Variants in CTNNB1 observed in about 807,000 individuals in gnomAD.
CTNNB1 encodes the protein catenin beta 1.
A neutral mutation model predicts 82.5 loss-of-function variants in CTNNB1; 6 were observed. The observed-to-expected ratio is 0.07, with a 90% CI of 0.04 to 0.14. The LOEUF (loss-of-function observed/expected upper bound fraction) is 0.14, where lower values mean the gene tolerates loss of function less well. CTNNB1 is among the 10% of genes least tolerant of loss of function. CTNNB1 has a pLI of 1.00. For synonymous variants in CTNNB1, 312 were observed against 329.7 expected (o/e 0.95, Z 0.58); for missense variants, 529 against 980.4 (o/e 0.54, Z 6.15).
At chr3:41,210,029 C>T (rs1339947923) in intron 1 of CTNNB1, among the ~76,000 whole-genome samples, 1 of 152,114 alleles carries the variant, frequency 6.6e-6, no homozygotes, top group Non-Finnish European at 1.5e-5. Flanking sequence ...ATTTTTTAAA[C>T]GTTTTCACTC....
intron 7 of CTNNB1, among the ~76,000 whole-genome samples, chr3:41,227,652 T>C (rs1054053189): frequency 6.6e-6 from 1 of 152,226 alleles, no homozygotes; most frequent in Admixed American, 6.5e-5. Context: ...TGTGAATTTA[T>C]AGGAGAAAAG....
At chr3:41,224,167 C>T in intron 2 of CTNNB1, 86 bp downstream of exon 2, 1 of 1,464,524 alleles carries the variant, frequency 6.8e-7, no homozygotes, top group Non-Finnish European at 9.6e-7. Flanking sequence ...CCCTGCTTTC[C>T]TCTCTCCCTG....
chr3:41,221,880 CTGTTG>C (rs1438542531), intron 1 of CTNNB1: 3 of 152,086 alleles, frequency 2.0e-5, no homozygotes, highest in Non-Finnish European at 2.9e-5. Flanking sequence ...GTGATTTCTT[CTGTTG>C]TATTTTTTGT....
chr3:41,215,323 C>T (rs2077890031), intron 1 of CTNNB1, among the ~76,000 whole-genome samples: 1 of 130,474 alleles, frequency 7.7e-6, no homozygotes. Context: ...GCGGAGGATG[C>T]AGTGAGCCAA....
At chr3:41,203,887 C>T (rs1018656569) in intron 1 of CTNNB1, among the ~76,000 whole-genome samples, 2 of 152,058 alleles carry the variant, frequency 1.3e-5, no homozygotes, top group Admixed American at 6.5e-5. Context: ...GGAAGTTAAA[C>T]GGTCAGCATA....
rs1559468935 is a variant in CTNNB1, at chr3:41,225,593, G to A, written c.734+21G>A. ...CTTGGGTAAGAAAACATGTCAGAATGCTTGAAGCTAAAAAGTAGAAGAGTA... is the reference window on the plus strand; with the variant it reads ...CTTGGGTAAGAAAACATGTCAGAATACTTGAAGCTAAAAAGTAGAAGAGTA... On this transcript the variant is annotated intron_variant, in intron 5 of 14. Coordinates refer to ENST00000349496, the MANE Select transcript of CTNNB1 (RefSeq NM_001904.4). This position sits in a 1 kb window ranked among gnomAD's most constrained non-coding sequence, Gnocchi z 5.3. 1.9e-6 allele frequency: 3 copies of A among 1,613,980 alleles called. No individual in the cohort carries two copies. The highest frequency in any genetic ancestry group is 2.5e-6 in the Non-Finnish European group (3 of 1,179,866).
intron 10 of CTNNB1, chr3:41,234,969 A>G (rs2078401592): frequency 6.4e-6 from 1 of 155,486 alleles, no homozygotes; most frequent in African/African-American, 2.4e-5. Context: ...GTATGTACTC[A>G]TATTGGGGCT....
At chr3:41,218,303 CTAA>C (rs2077959510) in intron 1 of CTNNB1, among the ~76,000 whole-genome samples, 1 of 151,970 alleles carries the variant, frequency 6.6e-6, no homozygotes, top group African/African-American at 2.4e-5. Context: ...CATTTCTTTC[CTAA>C]TAATACAATA....
Position 41,225,441 on chromosome 3 carries a change from CATG to C in CTNNB1, c.604_606del (p.Met202del). 6.2e-7 allele frequency: 1 copy of C among 1,613,816 alleles called. No individual in the cohort carries two copies. The highest frequency in any genetic ancestry group is 8.5e-7 in the Non-Finnish European group (1 of 1,179,934). ...AGATGGTGTCTGCTATTGTACGTAC[CATG>C]CAGAATACAAATGATGTAGAAACAG... On this transcript the variant is annotated inframe_deletion, in exon 5 of 15. Transcript: ENST00000349496. The surrounding 1 kb of genome is among the most constrained non-coding windows in gnomAD (Gnocchi z 5.3).
chr3:41,233,372 A>G lies in CTNNB1; in HGVS notation c.1113A>G (p.Thr371=), dbSNP rs754498236. 197 of 1,614,144 alleles carry G rather than the reference A, an allele frequency of 1.2e-4. No individual in the cohort carries two copies. Among genetic ancestry groups the G allele is most frequent in the Non-Finnish European group, 1.6e-4 (190 of 1,180,052 alleles). Residue 371 remains threonine, a synonymous_variant, in exon 8 of 15, where the codon ACA becomes ACG. Coordinates refer to ENST00000349496, the MANE Select transcript of CTNNB1 (RefSeq NM_001904.4). ...GGMQALGLHL[T]DPSQRLVQNC... ...TGCAAGCTTTAGGACTTCACCTGAC[A>G]GATCCAAGTCAACGTCTTGTTCAGA...
rs925071236 is a variant in CTNNB1, at chr3:41,239,702, C to T, written c.*360C>T. 5 of 395,542 alleles carry T rather than the reference C, an allele frequency of 1.3e-5. No homozygotes were observed. Among genetic ancestry groups the T allele is most frequent in the African/African-American group, 1.0e-4 (5 of 49,686 alleles). The allele number at this position is 395,542 out of a possible 1,614,324, so 24.5% of individuals were successfully genotyped here. Reference sequence around the variant, plus strand: ...GCATTGTGATTGGCCTGTAGAGTTGCTGAGAGGGCTCGAGGGGTGGGCTGG... The same window carrying T: ...GCATTGTGATTGGCCTGTAGAGTTGTTGAGAGGGCTCGAGGGGTGGGCTGG... On this transcript the variant is annotated 3_prime_UTR_variant, in exon 15 of 15. Coordinates refer to ENST00000349496, the MANE Select transcript of CTNNB1 (RefSeq NM_001904.4).
chr3:41,221,267 C>T (rs556624229), intron 1 of CTNNB1: 74 of 151,996 alleles, frequency 4.9e-4, no homozygotes, highest in African/African-American at 1.6e-3. Context: ...TATAGTATAG[C>T]CTGTTGCTTC....
intron 7 of CTNNB1, among the ~76,000 whole-genome samples, chr3:41,231,606 T>C (rs1252151468): frequency 1.3e-5 from 2 of 152,230 alleles, no homozygotes; most frequent in Non-Finnish European, 2.9e-5. Flanking sequence ...AGGGTTATAC[T>C]AAAGTATTTC....
chr3:41,205,054 C>G (rs1379217231), intron 1 of CTNNB1, among the ~76,000 whole-genome samples: 2 of 150,528 alleles, frequency 1.3e-5, no homozygotes, highest in African/African-American at 5.0e-5. Flanking sequence ...AAGTAACTTT[C>G]TTATTACTCA....
chr3:41,214,874 G>A (rs2077878868), intron 1 of CTNNB1, among the ~76,000 whole-genome samples: 1 of 152,058 alleles, frequency 6.6e-6, no homozygotes, highest in South Asian at 2.1e-4. Context: ...ATGGAACACA[G>A]CCATCCATGC....
intron 1 of CTNNB1, chr3:41,211,042 T>C (rs2077772007): frequency 2.2e-6 from 1 of 456,512 alleles, no homozygotes; most frequent in Non-Finnish European, 4.4e-6. Flanking sequence ...ATCCTCCCAC[T>C]TTGGCCTCAC....
rs758115297 is a variant in CTNNB1 at position 41,228,189 on chromosome 3, CATGT to C, written c.1081+838_1081+841del. 5.9e-4 allele frequency among the ~76,000 whole-genome samples: 90 copies of C among 152,152 alleles called. 1 individual carries two copies. Among genetic ancestry groups the C allele is most frequent in the Admixed American group, 2.7e-3 (42 of 15,284 alleles). ...TAATGCTGCAGTGAACATATGCATG[CATGT>C]GTCTTTATGGTAAAAAGATTTCTTT... is the stretch of plus-strand genomic sequence containing the variant. On this transcript the variant is annotated intron_variant, in intron 7 of 14. Coordinates refer to ENST00000349496, the MANE Select transcript of CTNNB1 (RefSeq NM_001904.4).
At position 41,233,459 on chromosome 3, in the gene CTNNB1, A is replaced by C; in HGVS notation, c.1185+15A>C. On this transcript the variant is annotated intron_variant, in intron 8 of 14. Coordinates refer to ENST00000349496, the MANE Select transcript of CTNNB1 (RefSeq NM_001904.4). ...CAACTAAACAGGTAAATTCTGAGTA[A>C]ACTGGTGCCATGGGAATAGAGTCAA... 6.2e-7 allele frequency: 1 copy of C among 1,613,952 alleles called. No individual in the cohort carries two copies. The highest frequency in any genetic ancestry group is 8.5e-7 in the Non-Finnish European group (1 of 1,179,816).
At chr3:41,238,156 T>C (rs2078485451) in intron 14 of CTNNB1, 80 bp downstream of exon 14, 1 of 1,291,774 alleles carries the variant, frequency 7.7e-7, no homozygotes, top group Admixed American at 1.7e-5. Context: ...GGTTTGCTCA[T>C]CTGGGAAACC....
Sources: gnomAD v4.1 joint callset for allele counts (sites outside exome capture counted in the v4.1 genomes callset) on GRCh38, gnomAD v4.1.1 for gene constraint, Gnocchi (gnomAD v3.1) non-coding constraint, MANE v1.5 for transcripts, NCBI Gene and HGNC (gene_info 2026-07-23, HGNC 2026-07-21) for gene names.